Variants in PKHD1 observed in about 807,000 individuals in gnomAD.
PKHD1 encodes the protein fibrocystin.
Under a neutral mutation model 412.0 loss-of-function variants are expected in PKHD1, and 291 were observed. The ratio of observed to expected loss-of-function variants is 0.71; its 90% confidence interval spans 0.64 to 0.78. PKHD1 has a LOEUF of 0.78. PKHD1 is among the 30% of genes least tolerant of loss of function. The probability of loss-of-function intolerance (pLI) is 0.00; values close to 1 mark genes in which losing one functional copy is unlikely to be tolerated. For missense variants in PKHD1, 4,825 were observed against 4,950.7 expected (o/e 0.97, Z 0.76); for synonymous variants, 1,777 against 1,821.5 (o/e 0.98, Z 0.62).
chr6:51,902,524 G>A (rs1402373963), intron 43 of PKHD1, among the ~76,000 whole-genome samples: 2 of 152,152 alleles, frequency 1.3e-5, no homozygotes, highest in African/African-American at 4.8e-5. Flanking sequence ...AGGAAGAAGA[G>A]ATAACCACTA....
chr6:51,747,460 T>C (rs1213282704), intron 58 of PKHD1, among the ~76,000 whole-genome samples: 1 of 152,130 alleles, frequency 6.6e-6, no homozygotes, highest in East Asian at 1.9e-4. Context: ...ATCCCAACAC[T>C]TTGGGAGGCT....
intron 35 of PKHD1, among the ~76,000 whole-genome samples, chr6:51,977,922 G>C (rs745394842): frequency 2.0e-5 from 3 of 152,144 alleles, no homozygotes; most frequent in Non-Finnish European, 2.9e-5. Flanking sequence ...GACTTAAAGA[G>C]ATCTTTCCCA....
intron 40 of PKHD1, 143 bp downstream of exon 40, chr6:51,909,140 G>A (rs1782581949): frequency 1.4e-6 from 1 of 730,850 alleles, no homozygotes; most frequent in Non-Finnish European, 2.4e-6. Flanking sequence ...ACTGAAGTTT[G>A]GGAACCATAG....
chr6:52,062,427 G>GA, intron 14 of PKHD1, 92 bp downstream of exon 14: 1 of 1,321,314 alleles, frequency 7.6e-7, no homozygotes, highest in Non-Finnish European at 1.1e-6. Context: ...TAAATTCCTG[G>GA]AAATCTTGAT....
rs368911296 is a variant in PKHD1 at position 51,738,896 on chromosome 6, A to C, written c.10156+5489T>G. Among the ~76,000 whole-genome samples, 9 of 152,168 alleles carry C rather than the reference A, an allele frequency of 5.9e-5. No individual in the cohort carries two copies. In the East Asian group the frequency reaches 1.5e-3, roughly 26 times the overall value. The stretch of plus-strand genomic sequence containing the variant: ...GTCTCATTTGAAATGCAACTATTTC[A>C]AATAGCAATTCGCCTGCACACAAGA... On this transcript the variant is annotated intron_variant, in intron 60 of 66. Coordinates refer to ENST00000371117, the MANE Select transcript of PKHD1 (RefSeq NM_138694.4).
chr6:51,814,229 A>T (rs748587377), intron 52 of PKHD1, among the ~76,000 whole-genome samples: 2 of 152,206 alleles, frequency 1.3e-5, no homozygotes, highest in Non-Finnish European at 2.9e-5. Context: ...GACTTGCAAG[A>T]TATCATTAAA....
chr6:51,994,138 C>CTTTTTTTTTTT (rs34571890), intron 35 of PKHD1, among the ~76,000 whole-genome samples: 1 of 143,906 alleles, frequency 6.9e-6, no homozygotes, highest in South Asian at 2.2e-4. Flanking sequence ...TTTTTTCTTT[C>CTTTTTTTTTTT]TTTTTTTTTT....
rs1807308631 is a variant in PKHD1, at chr6:52,054,044, G to A, written c.1958C>T (p.Pro653Leu). 6.2e-7 allele frequency: 1 copy of A among 1,613,774 alleles called. No individual in the cohort carries two copies. The highest frequency in any genetic ancestry group is 8.5e-7 in the Non-Finnish European group (1 of 1,179,816). The change falls in exon 20 of 67, where the codon CCC (proline) becomes CTC (leucine). Residue 653 changes from proline to leucine, a missense_variant. Transcript: ENST00000371117. ...CTCCCCACCGATTAGCTACCTCTCG[G>A]GGCTGGTCCTCGTGAGACTCCAGTC... ...TCDWSLTRTS[P>L]ESWQFDCTDL...
Position 52,024,562 on chromosome 6 carries a change from T to C in PKHD1, c.5236+12A>G. 2 of 1,613,024 alleles carry C rather than the reference T, an allele frequency of 1.2e-6. No homozygotes were observed. Among genetic ancestry groups the C allele is most frequent in the South Asian group, 2.2e-5 (2 of 91,044 alleles). On this transcript the variant is annotated intron_variant, in intron 32 of 66. Transcript: ENST00000371117. Reference sequence around the variant, plus strand: ...CATAAAGAAAGTGTGCTGTCTTATTTGCTTGACTTACCGAAGTTCTCCGTC... The same window carrying C: ...CATAAAGAAAGTGTGCTGTCTTATTCGCTTGACTTACCGAAGTTCTCCGTC...
At chr6:51,858,481 G>T (rs985494418) in intron 48 of PKHD1, among the ~76,000 whole-genome samples, 1 of 152,156 alleles carries the variant, frequency 6.6e-6, no homozygotes, top group Non-Finnish European at 1.5e-5. Context: ...GCTACAGTAG[G>T]TACTGTGGTC....
chr6:51,747,726 T>A, intron 58 of PKHD1, 61 bp downstream of exon 58: 1 of 1,442,604 alleles, frequency 6.9e-7, no homozygotes, highest in African/African-American at 1.4e-5. Context: ...CAGAATGCCA[T>A]TAAAAATTTT....
In PKHD1 at chr6:52,035,700, C is replaced by T. The variant is rs751832041; in HGVS notation, c.3119G>A (p.Arg1040Gln). ...GCTAACACCTTCCAAACTAGAGCCT[C>T]GGATGGTGGCCCAGAGCCCTCCTGT... ...ADIGGLWATI[R>Q]GSSLEGVSLI... Residue 1040 changes from arginine (R) to glutamine (Q), a missense_variant, in exon 28 of 67, where the codon CGA becomes CAA. Arg to Gln is a conservative substitution (Grantham distance 43, BLOSUM62 1). Transcript: ENST00000371117. The T allele has an allele frequency of 2.3e-5, 37 of 1,613,868 alleles. No individual in the cohort carries two copies. Among genetic ancestry groups the T allele is most frequent in the East Asian group, 2.2e-4 (10 of 44,870 alleles).
intron 37 of PKHD1, among the ~76,000 whole-genome samples, chr6:51,930,686 C>T (rs1786434539): frequency 6.6e-6 from 1 of 152,218 alleles, no homozygotes. Flanking sequence ...TTCAGCATTG[C>T]TGCTGAATAT....
At chr6:51,753,545 C>G (rs1786470115) in intron 56 of PKHD1, among the ~76,000 whole-genome samples, 192 bp from the exon 57 acceptor site, 1 of 152,224 alleles carries the variant, frequency 6.6e-6, no homozygotes, top group African/African-American at 2.4e-5. Flanking sequence ...ATTCACTTGT[C>G]TCTCTTTGGG....
chr6:51,669,154 C>T (rs929554665), intron 60 of PKHD1, among the ~76,000 whole-genome samples: 2 of 151,984 alleles, frequency 1.3e-5, no homozygotes, highest in African/African-American at 4.8e-5. Context: ...TGGTAGAATT[C>T]GGCTGTGAAT....
chr6:52,066,840 C>T (rs1450254215), intron 11 of PKHD1, among the ~76,000 whole-genome samples: 1 of 152,092 alleles, frequency 6.6e-6, no homozygotes, highest in African/African-American at 2.4e-5. Flanking sequence ...GCGGAGGTTG[C>T]ACTGAGCCAA....
At chr6:51,721,144 C>G in intron 60 of PKHD1, 4 of 949,196 alleles carry the variant, frequency 4.2e-6, no homozygotes, top group Non-Finnish European at 5.0e-6. Context: ...TAATGGAACA[C>G]TGGGCACATG....
chr6:51,625,229 A>G (rs896049061), intron 66 of PKHD1, among the ~76,000 whole-genome samples: 1 of 152,220 alleles, frequency 6.6e-6, no homozygotes, highest in African/African-American at 2.4e-5. Flanking sequence ...CTGGAGAGAG[A>G]GAGACAGCCA....
chr6:51,686,934 A>T (rs1170994567), intron 60 of PKHD1, among the ~76,000 whole-genome samples: 1 of 152,202 alleles, frequency 6.6e-6, no homozygotes, highest in Non-Finnish European at 1.5e-5. Context: ...TGTATATTTC[A>T]TATGTCTTTC....
Sources: allele counts gnomAD v4.1 joint callset (sites outside exome capture counted in the v4.1 genomes callset), GRCh38; gene constraint gnomAD v4.1.1; transcripts MANE v1.5; gene names NCBI Gene and HGNC (gene_info 2026-07-23, HGNC 2026-07-21).